PITPNC1: variants seen among roughly 807,000 people sequenced by gnomAD.
PITPNC1 encodes the protein phosphatidylinositol transfer protein cytoplasmic 1.
Under a neutral mutation model 44.7 loss-of-function variants are expected in PITPNC1, and 18 were observed. That is an observed-to-expected ratio of 0.40 (90% confidence interval 0.28 to 0.60). The LOEUF is 0.60. PITPNC1 is among the 20% of genes least tolerant of loss of function. PITPNC1 has a pLI of 0.39. For missense variants in PITPNC1, 290 were observed against 418.4 expected, an observed-to-expected ratio of 0.69 and a Z score of 2.68; for synonymous variants, 141 against 149.6, an observed-to-expected ratio of 0.94 and a Z score of 0.42.
chr17:67,429,426 G>A (rs1020801497), intron 1 of PITPNC1, among the ~76,000 whole-genome samples: 5 of 152,018 alleles, frequency 3.3e-5, no homozygotes, highest in South Asian at 2.1e-4. Context: ...GTAGCTGGGC[G>A]CAGTGGCTCA....
rs796246350 is a variant in PITPNC1 at position 67,538,975 on chromosome 17, G to GA, written c.197+6033dup. ...CTTATAGATCCTTTTTTTTTAATTT[G>GA]AAAAAAAAGACAATAATCCAATCAA... is the stretch of plus-strand genomic sequence containing the variant. On this transcript the variant is annotated intron_variant, in intron 2 of 8. Coordinates refer to ENST00000581322, the MANE Select transcript of PITPNC1 (RefSeq NM_012417.4). Among the ~76,000 whole-genome samples the GA allele has an allele frequency of 6.4e-4, 94 of 145,796 alleles. 1 individual carries two copies. The East Asian group carries it at 8.0e-3, about 12-fold the overall frequency.
chr17:67,615,865 A>G (rs1019186734), intron 5 of PITPNC1, among the ~76,000 whole-genome samples: 1 of 152,126 alleles, frequency 6.6e-6, no homozygotes, highest in Admixed American at 6.5e-5. Flanking sequence ...GCCAGTGTCT[A>G]CATGTGCACA....
rs74252180 is a variant in PITPNC1, at chr17:67,494,531, A to T, written c.49-38271A>T. ...TCTTTCAATGGCAACAGATATTCAG[A>T]TATAACTTTTATAGATTTATCAATG... is the stretch of plus-strand genomic sequence containing the variant. On this transcript the variant is annotated intron_variant, in intron 1 of 8. Coordinates refer to ENST00000581322, the MANE Select transcript of PITPNC1 (RefSeq NM_012417.4). 1.6e-3 allele frequency among the ~76,000 whole-genome samples: 238 copies of T among 152,188 alleles called. 8 individuals carry two copies. The East Asian group carries it at 0.041, about 26-fold the overall frequency.
intron 5 of PITPNC1, chr17:67,612,598 G>A (rs1598885965): frequency 6.6e-6 from 1 of 152,170 alleles, no homozygotes; most frequent in African/African-American, 2.4e-5. Flanking sequence ...TATGTTCCAG[G>A]AGCATTGAAG....
At chr17:67,445,730 T>G (rs1465255679) in intron 1 of PITPNC1, among the ~76,000 whole-genome samples, 1 of 152,222 alleles carries the variant, frequency 6.6e-6, no homozygotes, top group Non-Finnish European at 1.5e-5. Context: ...TAATCCTTAT[T>G]ATGAATAACA....
chr17:67,425,186 T>TGCGTGC lies in PITPNC1; in HGVS notation c.48+46987_48+46988insTGCGCG, dbSNP rs1598644712. Among the ~76,000 whole-genome samples, 25 of 55,714 alleles carry TGCGTGC rather than the reference T, an allele frequency of 4.5e-4. No homozygotes were observed. The East Asian group carries it at 8.9e-3, about 20-fold the overall frequency. The allele number at this position is 55,714 out of a possible 152,430, so 36.6% of individuals were successfully genotyped here. ...CCAGGTGAAATAAACAGCCATGTTG[T>TGCGTGC]GCGCGCGCACGCACACGCACACACA... On this transcript the variant is annotated intron_variant, in intron 1 of 8. Coordinates refer to ENST00000581322, the MANE Select transcript of PITPNC1 (RefSeq NM_012417.4).
chr17:67,458,948 T>A (rs929438646), intron 1 of PITPNC1, among the ~76,000 whole-genome samples: 6 of 152,054 alleles, frequency 3.9e-5, no homozygotes, highest in Admixed American at 2.0e-4. Context: ...GTTTGGGATA[T>A]CCATTTTTCA....
At chr17:67,522,372 G>GA (rs1051028809) in intron 1 of PITPNC1, among the ~76,000 whole-genome samples, 1 of 151,992 alleles carries the variant, frequency 6.6e-6, no homozygotes, top group African/African-American at 2.4e-5. Flanking sequence ...GGCATGGCAG[G>GA]AATCAGGGAA....
chr17:67,482,712 G>C (rs1343403417), intron 1 of PITPNC1, among the ~76,000 whole-genome samples: 1 of 152,184 alleles, frequency 6.6e-6, no homozygotes, highest in Non-Finnish European at 1.5e-5. Context: ...GGAAAATCTG[G>C]TTTCGGAAGC....
At chr17:67,426,561 G>A (rs964480087) in intron 1 of PITPNC1, among the ~76,000 whole-genome samples, 15 of 148,408 alleles carry the variant, frequency 1.0e-4, no homozygotes, top group Middle Eastern at 3.5e-3. Context: ...TGAACAATGA[G>A]AACACATGGA....
intron 6 of PITPNC1, among the ~76,000 whole-genome samples, chr17:67,665,684 G>A (rs73997214): frequency 0.046 from 6,951 of 152,158 alleles, 520 homozygotes; most frequent in African/African-American, 0.16. Context: ...TGTGTGATAC[G>A]TCGAATAGGG....
At chr17:67,428,212 T>C (rs1171330695) in intron 1 of PITPNC1, among the ~76,000 whole-genome samples, 1 of 152,094 alleles carries the variant, frequency 6.6e-6, no homozygotes, top group Non-Finnish European at 1.5e-5. Flanking sequence ...GAATATTTAG[T>C]GTTTACAGCT....
In PITPNC1 at chr17:67,692,989, C is replaced by A; in HGVS notation, c.*101C>A. ...GAAAAAGACTGCTTTGTCACTCAAACATGTTCCTTCGACCTTTCAGTGTGC... is the reference window on the plus strand; with the variant it reads ...GAAAAAGACTGCTTTGTCACTCAAAAATGTTCCTTCGACCTTTCAGTGTGC... On this transcript the variant is annotated 3_prime_UTR_variant, in exon 9 of 9. Coordinates refer to ENST00000581322, the MANE Select transcript of PITPNC1 (RefSeq NM_012417.4). The A allele has an allele frequency of 1.3e-6, 1 of 762,628 alleles. No homozygotes were observed. The highest frequency in any genetic ancestry group is 2.2e-6 in the Non-Finnish European group (1 of 462,214). The allele number at this position is 762,628 out of a possible 1,614,324, so 47.2% of individuals were successfully genotyped here. A position where few individuals can be genotyped will look rare whatever the true frequency, so the allele number is the denominator to read the frequency against.
At chr17:67,672,791 C>T (rs911259685) in intron 7 of PITPNC1, among the ~76,000 whole-genome samples, 1 of 152,222 alleles carries the variant, frequency 6.6e-6, no homozygotes, top group African/African-American at 2.4e-5. Flanking sequence ...CAGAAACGCA[C>T]CTGCTCTCGC....
intron 4 of PITPNC1, among the ~76,000 whole-genome samples, chr17:67,565,267 C>T (rs935267382): frequency 1.3e-5 from 2 of 149,088 alleles, no homozygotes; most frequent in South Asian, 4.2e-4. Context: ...TGTGTATACT[C>T]ATTTTCCATG....
rs1223249960 is a variant in PITPNC1 at position 67,548,436 on chromosome 17, CA to C, written c.198-3816del. The stretch of plus-strand genomic sequence containing the variant: ...TGAAACTTTGTCTCTACTAAAAATA[CA>C]AAAATAAGCCTGGCGTGGTGGCATG... On this transcript the variant is annotated intron_variant, in intron 2 of 8. Coordinates refer to ENST00000581322, the MANE Select transcript of PITPNC1 (RefSeq NM_012417.4). Among the ~76,000 whole-genome samples, 7 of 152,146 alleles carry C rather than the reference CA, an allele frequency of 4.6e-5. No individual in the cohort carries two copies. The East Asian group carries it at 1.2e-3, about 25-fold the overall frequency.
intron 1 of PITPNC1, among the ~76,000 whole-genome samples, chr17:67,507,607 C>T (rs912850191): frequency 1.4e-5 from 2 of 145,202 alleles, no homozygotes; most frequent in African/African-American, 2.6e-5. Flanking sequence ...ATCACCTGAA[C>T]CAGGAGATGG....
intron 7 of PITPNC1, among the ~76,000 whole-genome samples, chr17:67,672,243 G>A (rs551441451): frequency 3.1e-4 from 47 of 151,876 alleles, no homozygotes; most frequent in Non-Finnish European, 5.9e-4. Flanking sequence ...TTCATAGTGT[G>A]TTTTCCACTC....
At chr17:67,639,718 A>G (rs369909601) in intron 6 of PITPNC1, among the ~76,000 whole-genome samples, 1 of 152,238 alleles carries the variant, frequency 6.6e-6, no homozygotes, top group African/African-American at 2.4e-5. Flanking sequence ...TGGTCCCCAC[A>G]GATCTAAATA....
Sources: gnomAD v4.1 joint callset for allele counts (sites outside exome capture counted in the v4.1 genomes callset) on GRCh38, gnomAD v4.1.1 for gene constraint, MANE v1.5 for transcripts, NCBI Gene and HGNC (gene_info 2026-07-23, HGNC 2026-07-21) for gene names.